SYTL2: variants seen among roughly 807,000 people sequenced by gnomAD.
The protein encoded by SYTL2 is synaptotagmin like 2.
A neutral mutation model predicts 198.7 loss-of-function variants in SYTL2; 165 were observed. That is an observed-to-expected ratio of 0.83 (90% CI 0.73 to 0.94). SYTL2 has a LOEUF of 0.94. SYTL2 is among the 40% of genes least tolerant of loss of function. The pLI is 0.00. For missense variants in SYTL2, 2,835 were observed against 2,582.8 expected (o/e 1.10, Z -2.12); for synonymous variants, 966 against 917.7 (o/e 1.05, Z -0.95).
At chr11:85,728,530 T>G (rs2089478592) in intron 7 of SYTL2, among the ~76,000 whole-genome samples, 1 of 151,974 alleles carries the variant, frequency 6.6e-6, no homozygotes, top group Non-Finnish European at 1.5e-5. Context: ...CATGATCCAC[T>G]CACCTCAGCC....
the SYTL2 span, among the ~76,000 whole-genome samples, chr11:85,816,212 T>G: frequency 6.6e-6 from 1 of 151,932 alleles, no homozygotes; most frequent in Non-Finnish European, 1.5e-5. Flanking sequence ...AAGAACAACT[T>G]TTGTAGTGAT....
At chr11:85,740,679 A>G (rs746896268) in intron 4 of SYTL2, among the ~76,000 whole-genome samples, 1 of 152,162 alleles carries the variant, frequency 6.6e-6, no homozygotes, top group Non-Finnish European at 1.5e-5. Context: ...CAAATTCCAT[A>G]CCCTGTGTTC....
At chr11:85,851,985 C>G in the SYTL2 span, among the ~76,000 whole-genome samples, 2 of 152,068 alleles carry the variant, frequency 1.3e-5, no homozygotes, top group African/African-American at 4.8e-5. Flanking sequence ...AAACACAATA[C>G]TGATAGACTA....
At chr11:85,847,202 GC>G in the SYTL2 span, among the ~76,000 whole-genome samples, 3 of 151,946 alleles carry the variant, frequency 2.0e-5, no homozygotes, top group Non-Finnish European at 4.4e-5. Flanking sequence ...GTACTCTCCT[GC>G]CCCCTTGCAG....
rs755908938 is a variant in SYTL2 at position 85,725,559 on chromosome 11, G to A, written c.3799C>T (p.Leu1267=). 1 of 1,614,096 alleles carries A rather than the reference G, an allele frequency of 6.2e-7. No homozygotes were observed. Among genetic ancestry groups the A allele is most frequent in the Non-Finnish European group, 8.5e-7 (1 of 1,179,982 alleles). Residue 1267 remains leucine (L), a synonymous_variant, in exon 8 of 20, where the codon CTA becomes TTA. Transcript: ENST00000359152. ...TCATCTCTCACTGGAAAAGGAGCTAGTATTTCTCTCTTATCAGCTGAAGTA... is the reference window on the plus strand; with the variant it reads ...TCATCTCTCACTGGAAAAGGAGCTAATATTTCTCTCTTATCAGCTGAAGTA... ...HNTSADKREI[L]APFPVRDETF...
chr11:85,757,644 C>T lies in SYTL2; in HGVS notation c.82G>A (p.Ala28Thr). 1 of 1,613,840 alleles carries T rather than the reference C, an allele frequency of 6.2e-7. No homozygotes were observed. The highest frequency in any genetic ancestry group is 1.1e-5 in the South Asian group (1 of 91,078). The part of the protein sequence containing the change: ...VLQRDAALKR[A>T]EEERVRHLPE... ...TCTTACCTGACTCTCTCTTCTTCGG[C>T]CCTCTTCAGAGCAGCATCCCGCTGC... The change falls in exon 2 of 20, where the codon GCC becomes ACC. Residue 28 changes from alanine to threonine, a missense_variant. Transcript: ENST00000359152.
At position 85,707,526 on chromosome 11, in the gene SYTL2, A is replaced by C. The variant is rs1375543103; in HGVS notation, c.5921T>G (p.Val1974Gly). ...DVKKQRSDPY[V>G]KAYLLPDKGK... The stretch of plus-strand genomic sequence containing the variant: ...TTTGTCTGGTAGCAAATAGGCCTTT[A>C]CATATCTGAAAAGGAGAATTGAACA... Residue 1974 changes from valine (V) to glycine (G), a missense_variant, in exon 15 of 20, where the codon GTA becomes GGA. By Grantham distance (109) the Val-to-Gly change is moderately radical. This residue lies in a region of SYTL2 where 2,645 missense variants were observed against 2,381.7 expected (regional missense o/e 1.11). Transcript: ENST00000359152. 6.3e-7 allele frequency: 1 copy of C among 1,594,458 alleles called. No homozygotes were observed. Among genetic ancestry groups the C allele is most frequent in the Non-Finnish European group, 8.6e-7 (1 of 1,166,040 alleles).
chr11:85,706,327 A>ACCT (rs1398368019), intron 15 of SYTL2, among the ~76,000 whole-genome samples: 1 of 152,244 alleles, frequency 6.6e-6, no homozygotes, highest in African/African-American at 2.4e-5. Flanking sequence ...CCAAAGACAC[A>ACCT]CAGTTTACAA....
chr11:85,822,057 T>C, the SYTL2 span, among the ~76,000 whole-genome samples: 2 of 152,232 alleles, frequency 1.3e-5, no homozygotes, highest in Non-Finnish European at 2.9e-5. Flanking sequence ...CTAATAGTTA[T>C]ACCAAATTCA....
At chr11:85,831,807 G>C in the SYTL2 span, among the ~76,000 whole-genome samples, 1 of 152,128 alleles carries the variant, frequency 6.6e-6, no homozygotes, top group South Asian at 2.1e-4. Context: ...AAACTCAGGA[G>C]TGATAAGAAA....
At chr11:85,708,836 G>GTTTTTTTT (rs1565873217) in intron 14 of SYTL2, among the ~76,000 whole-genome samples, 1 of 64,256 alleles carries the variant, frequency 1.6e-5, no homozygotes, top group Non-Finnish European at 2.9e-5. Context: ...GCTTCTCTGT[G>GTTTTTTTT]ATTTTTTTTT....
chr11:85,824,689 A>C, the SYTL2 span, among the ~76,000 whole-genome samples: 3 of 152,342 alleles, frequency 2.0e-5, no homozygotes, highest in East Asian at 5.8e-4. Context: ...AGGAAAACTA[A>C]ATGAGTAAGG....
At chr11:85,754,297 T>C (rs749436154) in intron 2 of SYTL2, among the ~76,000 whole-genome samples, 10 of 152,140 alleles carry the variant, frequency 6.6e-5, no homozygotes, top group Non-Finnish European at 8.8e-5. Context: ...CTTCATATCA[T>C]TGTCCAGAGC....
intron 1 of SYTL2, among the ~76,000 whole-genome samples, chr11:85,809,936 G>A (rs2093008400): frequency 6.6e-6 from 1 of 152,222 alleles, no homozygotes; most frequent in Non-Finnish European, 1.5e-5. Context: ...CAAGTCCTCA[G>A]CTCCTTTCAA....
At chr11:85,707,976 C>CA (rs2085489406) in intron 14 of SYTL2, 4 of 96,682 alleles carry the variant, frequency 4.1e-5, no homozygotes, top group South Asian at 1.7e-4. Context: ...AAAAAAAAAA[C>CA]CACACACACA....
the SYTL2 span, among the ~76,000 whole-genome samples, chr11:85,843,140 G>A: frequency 1.1e-4 from 17 of 152,128 alleles, no homozygotes; most frequent in South Asian, 8.3e-4. Flanking sequence ...TTGGGAGGCC[G>A]AGGCGGGCAG....
At position 85,726,725 on chromosome 11, in the gene SYTL2, T is replaced by G. The variant is rs1180354969; in HGVS notation, c.2633A>C (p.Lys878Thr). 5.2e-6 allele frequency: 8 copies of G among 1,536,026 alleles called. No homozygotes were observed. The Admixed American group carries it at 1.6e-4, about 30-fold the overall frequency. The change falls in exon 8 of 20, where the codon AAA (lysine) becomes ACA (threonine). Residue 878 changes from lysine (K) to threonine (T), a missense_variant. By Grantham distance (78) the Lys-to-Thr change is moderately conservative. Transcript: ENST00000359152. Reference protein sequence around the residue: ...LSNSYSSNKSKETKPQIAGPS... With the variant: ...LSNSYSSNKSTETKPQIAGPS... ...ACCTGCTATTTGTGGCTTGGTCTCT[T>G]TAGATTTATTTGAGGAATAAGAATT...
intron 19 of SYTL2, among the ~76,000 whole-genome samples, chr11:85,695,568 A>C (rs527405448): frequency 6.6e-6 from 1 of 152,264 alleles, no homozygotes; most frequent in East Asian, 1.9e-4. Context: ...CTTCAAGTTA[A>C]TGTAAAGGCC....
At chr11:85,798,470 A>G (rs1039624217) in intron 1 of SYTL2, among the ~76,000 whole-genome samples, 3 of 152,216 alleles carry the variant, frequency 2.0e-5, no homozygotes, top group Non-Finnish European at 4.4e-5. Context: ...CAAACCAAAA[A>G]TAAAAAACAA....
Sources: allele counts gnomAD v4.1 joint callset (sites outside exome capture counted in the v4.1 genomes callset), GRCh38; gene constraint gnomAD v4.1.1; regional missense constraint gnomAD v4.1.1; transcripts MANE v1.5; gene names NCBI Gene and HGNC (gene_info 2026-07-23, HGNC 2026-07-21).